ESRRG: variants seen among roughly 807,000 people sequenced by gnomAD.
ESRRG encodes the protein estrogen related receptor gamma.
Under a neutral mutation model 44.0 loss-of-function variants are expected in ESRRG, and 13 were observed. That is an observed-to-expected ratio of 0.30 (90% CI 0.19 to 0.47). The LOEUF is 0.47. Ranked by LOEUF, ESRRG falls within the 20% of genes least tolerant of loss-of-function variation. ESRRG has a pLI of 1.00. For missense variants in ESRRG, 395 were observed against 580.6 expected, an observed-to-expected ratio of 0.68 and a Z score of 3.29; for synonymous variants, 215 against 214.6, an observed-to-expected ratio of 1.00 and a Z score of -0.02.
chr1:216,858,216 TCA>T (rs5780936), intron 2 of ESRRG, among the ~76,000 whole-genome samples: 73,712 of 151,112 alleles, frequency 0.49, 20,297 homozygotes, highest in African/African-American at 0.76. Flanking sequence ...GGTGGGTGGA[TCA>T]CGAGGTCAGG....
At chr1:216,983,623 ATTG>A (rs71303010) in intron 1 of ESRRG, among the ~76,000 whole-genome samples, 6,032 of 151,622 alleles carry the variant, frequency 0.04, 150 homozygotes, top group East Asian at 0.12. Flanking sequence ...TTTTGTTGAT[ATTG>A]TTGTTATACT....
In ESRRG at chr1:216,677,373, C is replaced by T; in HGVS notation, c.175G>A (p.Gly59Ser). The T allele has an allele frequency of 6.2e-7, 1 of 1,614,074 alleles. No homozygotes were observed. Among genetic ancestry groups the T allele is most frequent in the African/African-American group, 1.3e-5 (1 of 75,008 alleles). Residue 59 changes from glycine (G) to serine (S), a missense_variant, in exon 2 of 7, where the codon GGT becomes AGT. Physicochemically the swap from Gly to Ser is moderately conservative, Grantham distance 56 (BLOSUM62 0). This residue lies in a region of ESRRG where 148 missense variants were observed against 150.4 expected (regional missense o/e 0.98). Coordinates refer to ENST00000408911, the MANE Select transcript of ESRRG (RefSeq NM_001438.4). ...CTCCCACTGGCGTCTGAAGAGCCAC[C>T]AGGGCTGTGGTGGTTGACGCTGTCC... The part of the protein sequence containing the change: ...LTDSVNHHSP[G>S]GSSDASGSYS...
At chr1:217,089,115 A>G (rs778571355) in intron 1 of ESRRG, among the ~76,000 whole-genome samples, 75 of 151,998 alleles carry the variant, frequency 4.9e-4, no homozygotes, top group Non-Finnish European at 7.5e-4. Context: ...CCCCTGCTCC[A>G]TATCCCCTCA....
At chr1:217,080,362 C>G (rs1050970626) in intron 1 of ESRRG, among the ~76,000 whole-genome samples, 5 of 152,142 alleles carry the variant, frequency 3.3e-5, no homozygotes, top group African/African-American at 1.2e-4. Flanking sequence ...TGGAATCCTT[C>G]AATAAATGAT....
intron 1 of ESRRG, among the ~76,000 whole-genome samples, chr1:217,068,724 C>G (rs956024524): frequency 6.6e-6 from 1 of 152,168 alleles, no homozygotes; most frequent in African/African-American, 2.4e-5. Flanking sequence ...AAACTATCAT[C>G]TAATCAACAA....
chr1:216,689,599 A>G (rs773600353), intron 1 of ESRRG, among the ~76,000 whole-genome samples: 8 of 152,056 alleles, frequency 5.3e-5, no homozygotes, highest in South Asian at 2.1e-4. Context: ...AAAAATTTGG[A>G]TTTCAACTAT....
In ESRRG at chr1:216,951,492, G is replaced by A. The variant is rs139118505; in HGVS notation, c.-105-11819C>T. On this transcript the variant is annotated intron_variant, in intron 1 of 7. Coordinates refer to the ESRRG transcript ENST00000359162. ...ACTTTTTTTAGCTTATTGATCTTAC[G>A]GGCTTGTGATAAGACTTCAACTGCT... 7.4e-3 allele frequency among the ~76,000 whole-genome samples: 1,122 copies of A among 151,906 alleles called. 8 individuals are homozygous for A. The highest frequency in any genetic ancestry group is 9.3e-3 in the Non-Finnish European group (633 of 67,952).
At chr1:217,069,452 G>C (rs2090272019) in intron 1 of ESRRG, among the ~76,000 whole-genome samples, 1 of 150,440 alleles carries the variant, frequency 6.6e-6, no homozygotes, top group Non-Finnish European at 1.5e-5. Flanking sequence ...CATATATATA[G>C]ATAGCACCTA....
chr1:217,035,967 G>GA (rs1184179492), intron 1 of ESRRG, among the ~76,000 whole-genome samples: 2 of 152,036 alleles, frequency 1.3e-5, no homozygotes, highest in Non-Finnish European at 2.9e-5. Context: ...TTTACAAGAA[G>GA]AAAAAACCAA....
chr1:217,132,509 C>G (rs1235917626), intron 1 of ESRRG, among the ~76,000 whole-genome samples: 3 of 152,170 alleles, frequency 2.0e-5, no homozygotes, highest in African/African-American at 4.8e-5. Flanking sequence ...AGCTGATTAT[C>G]GCATCCCTGG....
At chr1:217,028,167 T>C (rs1258359091) in intron 1 of ESRRG, among the ~76,000 whole-genome samples, 1 of 152,152 alleles carries the variant, frequency 6.6e-6, no homozygotes, top group Admixed American at 6.5e-5. Flanking sequence ...TACAAAGGGA[T>C]ATCGGTCTTA....
rs80112022 is a variant in ESRRG, at chr1:217,018,698, C to T, written c.-106+70809G>A. The stretch of plus-strand genomic sequence containing the variant: ...ATCCCTTCTGCTATGACTGTCCTTC[C>T]CCAATTAGGTCTGCCAGGTAACTAT... On this transcript the variant is annotated intron_variant, in intron 1 of 7. Coordinates refer to the ESRRG transcript ENST00000359162. 8.1e-3 allele frequency among the ~76,000 whole-genome samples: 1,239 copies of T among 152,202 alleles called. 14 individuals carry two copies. The highest frequency in any genetic ancestry group is 0.023 in the African/African-American group (966 of 41,512).
chr1:216,735,246 T>C (rs1306128255), intron 2 of ESRRG, among the ~76,000 whole-genome samples: 1 of 151,648 alleles, frequency 6.6e-6, no homozygotes, highest in Non-Finnish European at 1.5e-5. Flanking sequence ...TCTGGCTCTG[T>C]CACCCAGGCT....
chr1:216,974,799 C>T (rs776726727), intron 1 of ESRRG, among the ~76,000 whole-genome samples: 2 of 151,960 alleles, frequency 1.3e-5, no homozygotes, highest in South Asian at 2.1e-4. Flanking sequence ...CTCCCCACCC[C>T]CAGACTTTTC....
At chr1:216,846,708 CA>C (rs1336305353) in intron 2 of ESRRG, among the ~76,000 whole-genome samples, 2 of 151,980 alleles carry the variant, frequency 1.3e-5, no homozygotes, top group Non-Finnish European at 2.9e-5. Context: ...AATATTGTTG[CA>C]TGCTTGATTT....
chr1:217,024,397 T>C (rs1271572794), intron 1 of ESRRG, among the ~76,000 whole-genome samples: 1 of 150,360 alleles, frequency 6.7e-6, no homozygotes, highest in African/African-American at 2.4e-5. Context: ...AACTTCAGGC[T>C]AGGACAGGTA....
rs11572803 is a variant in ESRRG at position 216,529,616 on chromosome 1, C to G, written c.863-10195G>C. Among the ~76,000 whole-genome samples, 555 of 152,152 alleles carry G rather than the reference C, an allele frequency of 3.6e-3. 4 individuals are homozygous for G. Among genetic ancestry groups the G allele is most frequent in the African/African-American group, 0.013 (524 of 41,510 alleles). On this transcript the variant is annotated intron_variant, in intron 5 of 6. Transcript: ENST00000408911. ...TTTTTGGTTAACTTTTTTCAAACAA[C>G]AAATTATTGGCACTTCTGCCTTCCT...
chr1:216,765,348 C>T (rs1387010548), intron 2 of ESRRG, among the ~76,000 whole-genome samples: 2 of 151,884 alleles, frequency 1.3e-5, no homozygotes, highest in Non-Finnish European at 2.9e-5. Context: ...TGTTCTACTG[C>T]TATAAGGACT....
At chr1:216,719,544 A>G (rs539420885) in intron 1 of ESRRG, among the ~76,000 whole-genome samples, 1 of 152,068 alleles carries the variant, frequency 6.6e-6, no homozygotes, top group Non-Finnish European at 1.5e-5. Context: ...TAAAAAGAAC[A>G]ACAACAAAAA....
Sources: gnomAD v4.1 joint callset for allele counts (sites outside exome capture counted in the v4.1 genomes callset) on GRCh38, gnomAD v4.1.1 for gene constraint, gnomAD v4.1.1 regional missense constraint, MANE v1.5 for transcripts, NCBI Gene and HGNC (gene_info 2026-07-23, HGNC 2026-07-21) for gene names.